The following BDH1 variants were observed in gnomAD, a reference collection of about 807,000 sequenced individuals.
BDH1 encodes 3-hydroxybutyrate dehydrogenase 1.
In BDH1, 30 loss-of-function variants were observed where a neutral mutation model predicts 33.1. The ratio of observed to expected loss-of-function variants is 0.91; its 90% CI spans 0.68 to 1.23. BDH1 has a LOEUF of 1.23. BDH1 is among the 50% of genes most tolerant of loss of function. BDH1 has a pLI of 0.00. For synonymous variants in BDH1, 190 were observed against 183.6 expected, an observed-to-expected ratio of 1.03 and a Z score of -0.28; for missense variants, 443 against 464.4, an observed-to-expected ratio of 0.95 and a Z score of 0.42.
intron 2 of BDH1, among the ~76,000 whole-genome samples, chr3:197,552,044 A>C (rs546550839): frequency 6.6e-6 from 1 of 152,162 alleles, no homozygotes; most frequent in East Asian, 1.9e-4. Flanking sequence ...CTCCAACCCA[A>C]CCTTCTCCCC....
chr3:197,568,422 T>C (rs1400668706), intron 1 of BDH1, among the ~76,000 whole-genome samples: 1 of 152,096 alleles, frequency 6.6e-6, no homozygotes, highest in Non-Finnish European at 1.5e-5. Flanking sequence ...AAAACGAAGC[T>C]GTGGTGCTCA....
intron 4 of BDH1, among the ~76,000 whole-genome samples, chr3:197,533,272 G>A (rs1714859073): frequency 6.6e-6 from 1 of 152,172 alleles, no homozygotes; most frequent in African/African-American, 2.4e-5. Flanking sequence ...TGGCTGGGAG[G>A]GGCTGGAGTG....
At chr3:197,533,860 A>G (rs991028451) in intron 3 of BDH1, 2 of 398,558 alleles carry the variant, frequency 5.0e-6, no homozygotes, top group Non-Finnish European at 9.0e-6. Context: ...TCCCACTCCA[A>G]TAAAGTTCCA....
At chr3:197,556,452 G>T (rs1429736940), upstream of BDH1, among the ~76,000 whole-genome samples, 2 of 152,220 alleles carry the variant, frequency 1.3e-5, no homozygotes, top group African/African-American at 4.8e-5. Flanking sequence ...TGGATCACTT[G>T]GGGTCAGGAG....
rs1215158782 is a variant in BDH1 at position 197,511,814 on chromosome 3, T to A, written c.*81A>T. 2 of 1,335,178 alleles carry A rather than the reference T, an allele frequency of 1.5e-6. No homozygotes were observed. The highest frequency in any genetic ancestry group is 2.9e-5 in the African/African-American group (2 of 67,932). 82.7% of individuals were successfully genotyped at this position (1,335,178 alleles called of 1,614,324 possible). On this transcript the variant is annotated 3_prime_UTR_variant, in exon 8 of 8. Coordinates refer to ENST00000392379, the MANE Select transcript of BDH1 (RefSeq NM_203314.3). ...GCATGGTGGATAATCCACACGTGGA[T>A]AATCAAGAGTTGACTATATGGGTTC...
At position 197,528,303 on chromosome 3, in the gene BDH1, A is replaced by AGT. The variant is rs4024114; in HGVS notation, c.267+4107_267+4108dup. The stretch of plus-strand genomic sequence containing the variant: ...GTAGGTCTGTATGAGTGAGTGAGTG[A>AGT]GTGTGTGTGTGTGTGTGTGTGTGTG... On this transcript the variant is annotated intron_variant, in intron 5 of 7. Transcript: ENST00000392379. This position sits in a 1 kb window ranked among gnomAD's most constrained non-coding sequence, Gnocchi z 5.1. The AGT allele has an allele frequency of 0.03, 4,035 of 132,402 alleles. 101 individuals carry two copies. Among genetic ancestry groups the AGT allele is most frequent in the African/African-American group, 0.07 (2,736 of 39,190 alleles). The allele number at this position is 132,402 out of a possible 1,614,324, so 8.2% of individuals were successfully genotyped here.
At position 197,522,086 on chromosome 3, in the gene BDH1, C is replaced by A. The variant is rs1437875958; in HGVS notation, c.409+554G>T. 6.6e-6 allele frequency among the ~76,000 whole-genome samples: 1 copy of A among 152,192 alleles called. No individual in the cohort carries two copies. Among genetic ancestry groups the A allele is most frequent in the Admixed American group, 6.5e-5 (1 of 15,288 alleles). ...CCCACCACTTGACCAACAGCCCCCGCTACCCTCCCCGTGCTCCTCGAAGCT... is the reference window on the plus strand; with the variant it reads ...CCCACCACTTGACCAACAGCCCCCGATACCCTCCCCGTGCTCCTCGAAGCT... On this transcript the variant is annotated intron_variant, in intron 6 of 7. Transcript: ENST00000392379. The surrounding 1 kb of genome is among the most constrained non-coding windows in gnomAD (Gnocchi z 4.8).
intron 3 of BDH1, 125 bp from the exon 4 acceptor site, chr3:197,533,686 G>A (rs751665829): frequency 3.0e-5 from 25 of 847,126 alleles, no homozygotes; most frequent in Non-Finnish European, 4.2e-5. Context: ...TGGTACAACT[G>A]AGTAAGAGGC....
rs1714118231 is a variant in BDH1, at chr3:197,526,574, C to A, written c.268-3793G>T. On this transcript the variant is annotated intron_variant, in intron 5 of 7. Transcript: ENST00000392379. This position sits in a 1 kb window ranked among gnomAD's most constrained non-coding sequence, Gnocchi z 4.7. ...CCCAGCCGGGCATCTGCTCCCTCAG[C>A]CCCTGGCCTCAGTGATGTACCCGCT... Among the ~76,000 whole-genome samples, 1 of 152,234 alleles carries A rather than the reference C, an allele frequency of 6.6e-6. No individual in the cohort carries two copies.
At chr3:197,566,662 C>T (rs538582330) in intron 1 of BDH1, among the ~76,000 whole-genome samples, 20 of 152,244 alleles carry the variant, frequency 1.3e-4, no homozygotes, top group East Asian at 3.9e-4. Context: ...TTAGTACAAA[C>T]GGGAAACTGA....
Position 197,522,908 on chromosome 3 carries a change from C to T in BDH1, c.268-127G>A. ...AAGCCTCAGGCATACTGGCAACTGC[C>T]CATGGGCCTGGCCCACCAGCATGCG... On this transcript the variant is annotated intron_variant, in intron 5 of 7. Transcript: ENST00000392379. This position sits in a 1 kb window ranked among gnomAD's most constrained non-coding sequence, Gnocchi z 4.8. 3 of 1,161,406 alleles carry T rather than the reference C, an allele frequency of 2.6e-6. No homozygotes were observed. The highest frequency in any genetic ancestry group is 3.6e-6 in the Non-Finnish European group (3 of 828,920). 71.9% of individuals were successfully genotyped at this position (1,161,406 alleles called of 1,614,324 possible).
At chr3:197,562,441 C>T (rs544504729) in intron 1 of BDH1, among the ~76,000 whole-genome samples, 25 of 152,286 alleles carry the variant, frequency 1.6e-4, no homozygotes, top group African/African-American at 5.1e-4. Flanking sequence ...CTCTTTCCAG[C>T]GAAAGGCGTC....
intron 6 of BDH1, chr3:197,515,561 T>C (rs947288103): frequency 1.5e-5 from 15 of 985,482 alleles, no homozygotes; most frequent in Non-Finnish European, 3.6e-6. Flanking sequence ...TTTTACACAA[T>C]TTCAGCTTTT....
At chr3:197,532,311 A>T in intron 5 of BDH1, 101 bp downstream of exon 5, 1 of 956,242 alleles carries the variant, frequency 1.0e-6, no homozygotes, top group Non-Finnish European at 1.6e-6. Flanking sequence ...AGGCTGGTTT[A>T]AGCAAAGGTG....
At position 197,510,655 on chromosome 3, in the gene BDH1, T is replaced by G. The variant is rs1711872334; in HGVS notation, c.*1240A>C. ...GTGTGTGTGTGTGTGTGTGTGTGTGTGTGTGTGTGTGTGTGTACATGTGTG... is the reference window on the plus strand; with the variant it reads ...GTGTGTGTGTGTGTGTGTGTGTGTGGGTGTGTGTGTGTGTGTACATGTGTG... On this transcript the variant is annotated 3_prime_UTR_variant, in exon 8 of 8. Transcript: ENST00000392379. 1 of 57,818 alleles carries G rather than the reference T, an allele frequency of 1.7e-5. No homozygotes were observed. The highest frequency in any genetic ancestry group is 3.7e-5 in the Non-Finnish European group (1 of 26,914). 3.6% of individuals were successfully genotyped at this position (57,818 alleles called of 1,614,324 possible). A position where few individuals can be genotyped will look rare whatever the true frequency, so the allele number is the denominator to read the frequency against.
At chr3:197,564,456 T>C in intron 1 of BDH1, among the ~76,000 whole-genome samples, 1 of 152,186 alleles carries the variant, frequency 6.6e-6, no homozygotes, top group East Asian at 1.9e-4. Flanking sequence ...TTAAAGTACT[T>C]GTGACATTTA....
In BDH1 at chr3:197,514,234, G is replaced by A. The variant is rs1712428821; in HGVS notation, c.562+30C>T. The stretch of plus-strand genomic sequence containing the variant: ...AGATGAACACGTGGGGCAGGTTCAG[G>A]GGCAGGAGGGAGCTCCCTTTCCCAC... On this transcript the variant is annotated intron_variant, in intron 7 of 7. Transcript: ENST00000392379. This position sits in a 1 kb window ranked among gnomAD's most constrained non-coding sequence, Gnocchi z 4.2. 5.0e-6 allele frequency: 8 copies of A among 1,596,738 alleles called. No individual in the cohort carries two copies. The highest frequency in any genetic ancestry group is 6.8e-6 in the Non-Finnish European group (8 of 1,169,154).
intron 4 of BDH1, 83 bp downstream of exon 4, chr3:197,533,406 T>G (rs2108743518): frequency 2.1e-6 from 3 of 1,423,658 alleles, no homozygotes; most frequent in South Asian, 2.3e-5. Flanking sequence ...GGCCCCACTC[T>G]GAGGGTAGCT....
upstream of BDH1, among the ~76,000 whole-genome samples, chr3:197,557,786 A>G (rs1717122858): frequency 6.6e-6 from 1 of 152,244 alleles, no homozygotes; most frequent in African/African-American, 2.4e-5. This position sits in a 1 kb window ranked among gnomAD's most constrained non-coding sequence, Gnocchi z 4.6. Flanking sequence ...AGCTAAGGCT[A>G]TCTCCTTTAT....
Sources: allele counts gnomAD v4.1 joint callset (sites outside exome capture counted in the v4.1 genomes callset), GRCh38; gene constraint gnomAD v4.1.1; non-coding constraint Gnocchi (gnomAD v3.1); transcripts MANE v1.5; gene names NCBI Gene and HGNC (gene_info 2026-07-23, HGNC 2026-07-21).